RAI14: variants seen among roughly 807,000 people sequenced by gnomAD.
RAI14 encodes the protein ankycorbin.
Under a neutral mutation model 115.4 loss-of-function variants are expected in RAI14, and 45 were observed. The ratio of observed to expected loss-of-function variants is 0.39; its 90% CI spans 0.31 to 0.50. The LOEUF is 0.50. Among genes scored for constraint, RAI14 ranks in the 20% least tolerant of loss-of-function variants. The pLI is 0.85. For synonymous variants in RAI14, 371 were observed against 415.4 expected (o/e 0.89, Z 1.30); for missense variants, 939 against 1,131.2 (o/e 0.83, Z 2.44).
chr5:34,722,983 G>A (rs1018290974), intron 2 of RAI14, among the ~76,000 whole-genome samples: 2 of 150,472 alleles, frequency 1.3e-5, no homozygotes, highest in African/African-American at 4.9e-5. Context: ...ACTTATAATT[G>A]CAGCTACTCA....
intron 2 of RAI14, among the ~76,000 whole-genome samples, chr5:34,755,922 C>T (rs1461741898): frequency 6.6e-6 from 1 of 152,186 alleles, no homozygotes; most frequent in Non-Finnish European, 1.5e-5. Context: ...GGTCACACAA[C>T]ATGTAAGTGT....
intron 10 of RAI14, among the ~76,000 whole-genome samples, 180 bp from the exon 11 acceptor site, chr5:34,813,394 A>G (rs1755829267): frequency 6.6e-6 from 1 of 152,202 alleles, no homozygotes; most frequent in African/African-American, 2.4e-5. Context: ...ATGGGCTGCT[A>G]GGAGAATACT....
At chr5:34,798,536 T>A (rs541889190) in intron 4 of RAI14, among the ~76,000 whole-genome samples, 1 of 152,210 alleles carries the variant, frequency 6.6e-6, no homozygotes, top group African/African-American at 2.4e-5. Context: ...ATAAATTCTA[T>A]ATCCTGCATT....
In RAI14 at chr5:34,823,817, C is replaced by A. The variant is rs758089987; in HGVS notation, c.1975C>A (p.Leu659Met). ...SQLYKEAQAELEDYRKRKSLE... is the reference protein window; with the variant it reads ...SQLYKEAQAEMEDYRKRKSLE... ...GCTGTACAAAGAAGCCCAGGCTGAG[C>A]TGGAGGATTACAGGAAGAGGAAATC... The change falls in exon 15 of 18, where the codon CTG becomes ATG. Residue 659 changes from leucine to methionine, a missense_variant. Physicochemically the swap from Leu to Met is conservative, Grantham distance 15. Transcript: ENST00000265109. This position sits in a 1 kb window ranked among gnomAD's most constrained non-coding sequence, Gnocchi z 4.5. 1.9e-6 allele frequency: 3 copies of A among 1,614,096 alleles called. No individual in the cohort carries two copies. The highest frequency in any genetic ancestry group is 1.7e-6 in the Non-Finnish European group (2 of 1,179,980).
chr5:34,665,178 C>CAT (rs201354748), intron 1 of RAI14, among the ~76,000 whole-genome samples: 1 of 7,088 alleles, frequency 1.4e-4, no homozygotes, highest in South Asian at 3.9e-3. Flanking sequence ...TATATACACA[C>CAT]ATATATATAT....
intron 1 of RAI14, among the ~76,000 whole-genome samples, chr5:34,663,447 T>C (rs1204345596): frequency 6.6e-6 from 1 of 152,072 alleles, no homozygotes; most frequent in Non-Finnish European, 1.5e-5. Context: ...ACCCATGAGA[T>C]CGAGGGTTGC....
At chr5:34,717,318 CA>C (rs1303028616) in intron 2 of RAI14, among the ~76,000 whole-genome samples, 1 of 152,076 alleles carries the variant, frequency 6.6e-6, no homozygotes, top group African/African-American at 2.4e-5. Flanking sequence ...CTCATTTAAC[CA>C]GAGCTGAACA....
At chr5:34,699,221 C>G (rs1043614983) in intron 2 of RAI14, among the ~76,000 whole-genome samples, 4 of 152,292 alleles carry the variant, frequency 2.6e-5, no homozygotes, top group African/African-American at 7.2e-5. Context: ...TTATTTATAC[C>G]TCTCATTAGA....
At chr5:34,727,729 C>T (rs930272715) in intron 2 of RAI14, among the ~76,000 whole-genome samples, 1 of 152,078 alleles carries the variant, frequency 6.6e-6, no homozygotes, top group African/African-American at 2.4e-5. Context: ...TACAGGTGCC[C>T]AGAAATCAAG....
intron 2 of RAI14, among the ~76,000 whole-genome samples, chr5:34,751,535 G>T (rs1747019877): frequency 6.6e-6 from 1 of 152,096 alleles, no homozygotes; most frequent in Admixed American, 6.5e-5. Flanking sequence ...ACTATTGTGG[G>T]TTTTCTTGTG....
intron 3 of RAI14, among the ~76,000 whole-genome samples, chr5:34,762,444 T>C (rs1483237924): frequency 2.0e-5 from 3 of 152,126 alleles, no homozygotes; most frequent in Admixed American, 1.3e-4. Flanking sequence ...CCTTAGACTT[T>C]TGAGTTTCTT....
chr5:34,715,623 C>A (rs1741895021), intron 2 of RAI14, among the ~76,000 whole-genome samples: 1 of 152,176 alleles, frequency 6.6e-6, no homozygotes. Context: ...CACCTCCCAC[C>A]CCTCGAGTAA....
At position 34,687,852 on chromosome 5, in the gene RAI14, A is replaced by G. The variant is rs979007983; in HGVS notation, c.36+897A>G. The G allele has an allele frequency of 1.4e-5, 17 of 1,212,836 alleles. No homozygotes were observed. The African/African-American group carries it at 2.4e-4, about 17-fold the overall frequency. The allele number at this position is 1,212,836 out of a possible 1,614,324, so 75.1% of individuals were successfully genotyped here. On this transcript the variant is annotated intron_variant, in intron 2 of 17. Transcript: ENST00000265109. The stretch of plus-strand genomic sequence containing the variant: ...TGGCACAGCTGCATTTTTGCAATAA[A>G]TGGAGGCTGTGTCTTTTATGGCTGA...
intron 3 of RAI14, among the ~76,000 whole-genome samples, chr5:34,778,506 G>A (rs1403198190): frequency 1.3e-5 from 2 of 152,170 alleles, no homozygotes; most frequent in African/African-American, 2.4e-5. Context: ...AATCTGGTTA[G>A]TACCTGCTAT....
chr5:34,827,427 G>C lies in RAI14; in HGVS notation c.2799+948G>C, dbSNP rs1757562244. On this transcript the variant is annotated intron_variant, in intron 16 of 17. Coordinates refer to ENST00000265109, the MANE Select transcript of RAI14 (RefSeq NM_015577.3). This position sits in a 1 kb window ranked among gnomAD's most constrained non-coding sequence, Gnocchi z 4.2. Reference sequence around the variant, plus strand: ...TTAGCTTACCACAATATCTGTTAAGGTTTGAGTTGGCATGGGTACATTCCG... The same window carrying C: ...TTAGCTTACCACAATATCTGTTAAGCTTTGAGTTGGCATGGGTACATTCCG... Among the ~76,000 whole-genome samples the C allele has an allele frequency of 6.6e-6, 1 of 152,168 alleles. No individual in the cohort carries two copies. The highest frequency in any genetic ancestry group is 1.5e-5 in the Non-Finnish European group (1 of 68,024).
chr5:34,696,782 A>G (rs1225927745), intron 2 of RAI14, among the ~76,000 whole-genome samples: 1 of 152,176 alleles, frequency 6.6e-6, no homozygotes, highest in Non-Finnish European at 1.5e-5. Flanking sequence ...CTATTGGTAG[A>G]AGTCTGTTGC....
At chr5:34,710,580 G>A (rs1228771060) in intron 2 of RAI14, among the ~76,000 whole-genome samples, 1 of 152,152 alleles carries the variant, frequency 6.6e-6, no homozygotes, top group African/African-American at 2.4e-5. Context: ...TTAGATTTTA[G>A]TGTTTCCAAA....
chr5:34,732,049 C>G (rs376148756), intron 2 of RAI14, among the ~76,000 whole-genome samples: 72 of 152,288 alleles, frequency 4.7e-4, no homozygotes, highest in African/African-American at 1.5e-3. Flanking sequence ...ACCACAGGCC[C>G]TGGAAATGGG....
chr5:34,733,802 A>G (rs1218431178), intron 2 of RAI14, among the ~76,000 whole-genome samples: 2 of 152,122 alleles, frequency 1.3e-5, no homozygotes, highest in Non-Finnish European at 2.9e-5. Context: ...TGCTGCTCAG[A>G]TGTTAGCTCA....
Sources: allele counts gnomAD v4.1 joint callset (sites outside exome capture counted in the v4.1 genomes callset), GRCh38; gene constraint gnomAD v4.1.1; non-coding constraint Gnocchi (gnomAD v3.1); transcripts MANE v1.5; gene names NCBI Gene and HGNC (gene_info 2026-07-23, HGNC 2026-07-21).